Variants in CHN2 observed in about 807,000 individuals in gnomAD.
The protein encoded by CHN2 is chimerin 2, also known as beta-chimaerin.
In CHN2, 35 loss-of-function variants were observed where a neutral mutation model predicts 56.3. The ratio of observed to expected loss-of-function variants is 0.62; its 90% CI spans 0.47 to 0.82. The LOEUF (loss-of-function observed/expected upper bound fraction) is 0.82. Ranked by LOEUF, CHN2 falls within the 40% of genes least tolerant of loss-of-function variation. The pLI is 0.00. For missense variants in CHN2, 491 were observed against 580.5 expected (o/e 0.85, Z 1.58); for synonymous variants, 210 against 212.8 (o/e 0.99, Z 0.12).
At chr7:29,228,840 T>C (rs1205635232) in intron 1 of CHN2, among the ~76,000 whole-genome samples, 2 of 152,208 alleles carry the variant, frequency 1.3e-5, no homozygotes, top group Admixed American at 1.3e-4. Context: ...TCCACCCACA[T>C]GCCCTGGGGC....
chr7:29,261,070 C>G (rs1396714886), intron 1 of CHN2, among the ~76,000 whole-genome samples: 1 of 152,160 alleles, frequency 6.6e-6, no homozygotes, highest in Admixed American at 6.5e-5. Flanking sequence ...ACCCCCCCAC[C>G]TACTTTTCAG....
chr7:29,401,084 C>T lies in CHN2; in HGVS notation c.576+256C>T, dbSNP rs185052982. ...GAGATAGAGACCATCCTGGCTAACA[C>T]GGTGAAACCCCGTCTCTACAAAAAA... On this transcript the variant is annotated intron_variant, in intron 6 of 12. Transcript: ENST00000222792. 81 of 425,120 alleles carry T rather than the reference C, an allele frequency of 1.9e-4. 1 individual carries two copies. Among genetic ancestry groups the T allele is most frequent in the Admixed American group, 1.1e-3 (27 of 25,406 alleles). 26.3% of individuals were successfully genotyped at this position (425,120 alleles called of 1,614,324 possible).
chr7:29,222,273 A>G (rs952164627), intron 1 of CHN2, among the ~76,000 whole-genome samples: 1 of 152,238 alleles, frequency 6.6e-6, no homozygotes, highest in Non-Finnish European at 1.5e-5. Flanking sequence ...TATCGTGAAA[A>G]TGACCATACT....
At chr7:29,263,974 G>A (rs187937807) in intron 1 of CHN2, among the ~76,000 whole-genome samples, 390 of 122,338 alleles carry the variant, frequency 3.2e-3, no homozygotes, top group Non-Finnish European at 5.3e-3. Context: ...GGGAGGTGGG[G>A]GGGCAGCCCC....
Position 29,196,660 on chromosome 7 carries a change from A to C in CHN2, c.49+1670A>C, listed in dbSNP as rs541597015. On this transcript the variant is annotated intron_variant, in intron 1 of 12. Coordinates refer to ENST00000222792, the MANE Select transcript of CHN2 (RefSeq NM_004067.4). ...GAAAGGACAAGGAGCTGGTGGTGTC[A>C]CATGATTTACTGGTGGCATGAATTA... Among the ~76,000 whole-genome samples the C allele has an allele frequency of 3.9e-5, 6 of 152,366 alleles. No individual in the cohort carries two copies. In the East Asian group the frequency reaches 1.2e-3, roughly 29 times the overall value.
chr7:29,394,156 AC>A (rs972780193), intron 4 of CHN2, among the ~76,000 whole-genome samples: 37 of 151,974 alleles, frequency 2.4e-4, no homozygotes, highest in African/African-American at 8.7e-4. Flanking sequence ...GTCTCATAAA[AC>A]CCAAATGATG....
chr7:29,362,003 A>G (rs1268054674), intron 2 of CHN2, among the ~76,000 whole-genome samples: 2 of 152,238 alleles, frequency 1.3e-5, no homozygotes, highest in Non-Finnish European at 2.9e-5. Flanking sequence ...GGCAAAGGAC[A>G]GTGGCTCCTA....
At position 29,507,380 on chromosome 7, in the gene CHN2, T is replaced by C; in HGVS notation, c.1129+15T>C. 1 of 1,581,982 alleles carries C rather than the reference T, an allele frequency of 6.3e-7. No individual in the cohort carries two copies. The highest frequency in any genetic ancestry group is 1.4e-5 in the African/African-American group (1 of 73,458). ...AGATGCAGCAAGTAAGTACTTCAAATTAATTTTTTATTTCTACCAAATTTT... is the reference window on the plus strand; with the variant it reads ...AGATGCAGCAAGTAAGTACTTCAAACTAATTTTTTATTTCTACCAAATTTT... On this transcript the variant is annotated intron_variant, in intron 11 of 12. Transcript: ENST00000222792.
At position 29,404,791 on chromosome 7, in the gene CHN2, G is replaced by A. The variant is rs143321643; in HGVS notation, c.576+3963G>A. Among the ~76,000 whole-genome samples, 441 of 152,094 alleles carry A rather than the reference G, an allele frequency of 2.9e-3. 3 individuals carry two copies. The highest frequency in any genetic ancestry group is 0.01 in the African/African-American group (416 of 41,464). ...TATTGCCCAGGCTGGTCTCAAACTC[G>A]TGGGCTCAAGCGATCCTCCCATCTC... On this transcript the variant is annotated intron_variant, in intron 6 of 12. Coordinates refer to ENST00000222792, the MANE Select transcript of CHN2 (RefSeq NM_004067.4).
chr7:29,164,881 T>C (rs188080151), intron 2 of CHN2, among the ~76,000 whole-genome samples: 96 of 152,262 alleles, frequency 6.3e-4, no homozygotes, highest in African/African-American at 2.2e-3. Flanking sequence ...TTCTAAACTT[T>C]CTAGAGTGTT....
intron 1 of CHN2, among the ~76,000 whole-genome samples, chr7:29,222,474 A>G (rs574677286): frequency 2.7e-5 from 4 of 150,940 alleles, no homozygotes; most frequent in South Asian, 2.1e-4. Flanking sequence ...CTACAAGGCT[A>G]CAGTAACCAA....
chr7:29,471,203 A>G (rs1785995393), intron 6 of CHN2, among the ~76,000 whole-genome samples: 1 of 152,266 alleles, frequency 6.6e-6, no homozygotes, highest in African/African-American at 2.4e-5. Context: ...TGATGGTAAA[A>G]CATGTTGTTG....
intron 3 of CHN2, among the ~76,000 whole-genome samples, chr7:29,389,817 G>T (rs1343395549): frequency 6.6e-6 from 1 of 152,066 alleles, no homozygotes. Flanking sequence ...ACTTTGGGAG[G>T]CTGAGTTGGG....
intron 1 of CHN2, among the ~76,000 whole-genome samples, chr7:29,197,046 G>A (rs1284675061): frequency 2.0e-5 from 3 of 152,128 alleles, no homozygotes; most frequent in Admixed American, 6.5e-5. Context: ...CTCTTTTAAA[G>A]CACACTTACC....
rs532653708 is a variant in CHN2 at position 29,217,228 on chromosome 7, T to C, written c.49+22238T>C. Among the ~76,000 whole-genome samples, 3 of 152,344 alleles carry C rather than the reference T, an allele frequency of 2.0e-5. No individual in the cohort carries two copies. The East Asian group carries it at 5.8e-4, about 29-fold the overall frequency. ...TTTTATATTATCTCAGGCTGTGCCT[T>C]GCAATGAGTAAACCACGGTAGTTAT... On this transcript the variant is annotated intron_variant, in intron 1 of 12. Coordinates refer to ENST00000222792, the MANE Select transcript of CHN2 (RefSeq NM_004067.4).
intron 6 of CHN2, among the ~76,000 whole-genome samples, chr7:29,419,828 A>G (rs1804151097): frequency 6.6e-6 from 1 of 152,166 alleles, no homozygotes; most frequent in South Asian, 2.1e-4. Flanking sequence ...TCATGCCTGT[A>G]ATTCCAGCAC....
At chr7:29,209,029 A>AC (rs1784731591) in intron 1 of CHN2, 1 of 59,632 alleles carries the variant, frequency 1.7e-5, no homozygotes, top group Non-Finnish European at 3.6e-5. Context: ...CCCCACCCCC[A>AC]CCCCCCAGCA....
In CHN2 at chr7:29,440,428, C is replaced by T. The variant is rs140535621; in HGVS notation, c.576+39600C>T. ...CACAGAGGCTGGGCGTGGTAGCTCA[C>T]AGCTGTAATCTTAGCACTTTGGGAG... On this transcript the variant is annotated intron_variant, in intron 6 of 12. Transcript: ENST00000222792. Among the ~76,000 whole-genome samples, 218 of 152,168 alleles carry T rather than the reference C, an allele frequency of 1.4e-3. 2 individuals carry two copies. The highest frequency in any genetic ancestry group is 5.2e-3 in the African/African-American group (215 of 41,530).
At chr7:29,184,151 T>TGATAGATAGATAGATA (rs56102038) in intron 2 of CHN2, among the ~76,000 whole-genome samples, 50 of 143,386 alleles carry the variant, frequency 3.5e-4, no homozygotes, top group East Asian at 6.2e-4. Context: ...TACAGATAGA[T>TGATAGATAGATAGATA]GATAGATAGA....
Sources: allele counts gnomAD v4.1 joint callset (sites outside exome capture counted in the v4.1 genomes callset), GRCh38; gene constraint gnomAD v4.1.1; transcripts MANE v1.5; gene names NCBI Gene and HGNC (gene_info 2026-07-23, HGNC 2026-07-21).